DCX: variants seen among roughly 807,000 people sequenced by gnomAD.
DCX encodes neuronal migration protein doublecortin.
A neutral mutation model predicts 20.9 loss-of-function variants in DCX; 4 were observed. The ratio of observed to expected loss-of-function variants is 0.19; its 90% confidence interval spans 0.09 to 0.44. The LOEUF is 0.44. Ranked by LOEUF, DCX falls within the 20% of genes least tolerant of loss-of-function variation. The pLI is 0.99. For missense variants in DCX, 133 were observed against 296.9 expected, an observed-to-expected ratio of 0.45 and a Z score of 4.06; for synonymous variants, 103 against 111.4, an observed-to-expected ratio of 0.92 and a Z score of 0.47.
chrX:111,381,183 A>C (rs184202439), intron 3 of DCX, among the ~76,000 whole-genome samples: 1 of 110,310 alleles, frequency 9.1e-6, no homozygotes, highest in Non-Finnish European at 1.9e-5. Context: ...TCTATATTCC[A>C]AACTCTACTC....
chrX:111,412,027 A>G (rs1928755489), intron 1 of DCX, 111 bp downstream of exon 1: 1 of 112,383 alleles, frequency 8.9e-6, no homozygotes, highest in Non-Finnish European at 1.9e-5. Flanking sequence ...AGAATAAGGC[A>G]AAAAAGGAGA....
At chrX:111,383,270 T>C (rs1426728572) in intron 3 of DCX, among the ~76,000 whole-genome samples, 1 of 111,865 alleles carries the variant, frequency 8.9e-6, no homozygotes, top group Non-Finnish European at 1.9e-5. Flanking sequence ...CAGCTATAGA[T>C]TTATGTCCTT....
At chrX:111,326,060 C>T (rs148409024) in intron 5 of DCX, among the ~76,000 whole-genome samples, 66 of 111,532 alleles carry the variant, frequency 5.9e-4, no homozygotes, top group African/African-American at 2.0e-3. Flanking sequence ...CCTTGACCTC[C>T]CCTTCTAAAG....
intron 3 of DCX, among the ~76,000 whole-genome samples, chrX:111,379,606 A>G (rs1418222961): frequency 9.0e-6 from 1 of 111,718 alleles, no homozygotes; most frequent in Non-Finnish European, 1.9e-5. Context: ...TTCCTTATCC[A>G]TTCTTTCATC....
At chrX:111,348,669 A>C (rs191843023) in intron 3 of DCX, among the ~76,000 whole-genome samples, 35 of 110,140 alleles carry the variant, frequency 3.2e-4, no homozygotes, top group African/African-American at 1.1e-3. Context: ...ATCCCTTGGC[A>C]CCATTAAGCC....
intron 5 of DCX, among the ~76,000 whole-genome samples, chrX:111,317,313 T>G (rs1443992199): frequency 9.0e-6 from 1 of 111,030 alleles, no homozygotes; most frequent in African/African-American, 3.3e-5. Flanking sequence ...TTGACAAAAC[T>G]AAGCAATAGG....
chrX:111,308,341 C>A (rs899766587), intron 6 of DCX, among the ~76,000 whole-genome samples: 1 of 111,909 alleles, frequency 8.9e-6, no homozygotes, highest in South Asian at 3.7e-4. Flanking sequence ...TTTTGAGAAA[C>A]CTGGCTTCTA....
intron 3 of DCX, among the ~76,000 whole-genome samples, chrX:111,360,829 C>G (rs964492918): frequency 5.4e-5 from 6 of 111,972 alleles, no homozygotes; most frequent in Non-Finnish European, 1.1e-4. Context: ...AAGTAGATTA[C>G]AGGAAAATAG....
At chrX:111,379,188 C>T (rs1460632264) in intron 3 of DCX, among the ~76,000 whole-genome samples, 7 of 112,083 alleles carry the variant, frequency 6.2e-5, no homozygotes, top group African/African-American at 1.3e-4. Context: ...TCTTTAGAAA[C>T]GTATTTAAGT....
At chrX:111,401,465 T>C in intron 2 of DCX, 135 bp from the exon 3 acceptor site, 5 of 558,696 alleles carry the variant, frequency 8.9e-6, no homozygotes, top group Non-Finnish European at 1.4e-5. Flanking sequence ...TAGGTGCAAT[T>C]CCTAATTGGG....
Position 111,296,519 on chromosome X carries a change from G to A in DCX, c.*5168C>T, listed in dbSNP as rs765904302. ...TGTAATCCCAGCACTTTGGGAGGCC[G>A]AGGTGGGCAGATAATTTGAGGCCAA... On this transcript the variant is annotated 3_prime_UTR_variant, in exon 7 of 7. Coordinates refer to ENST00000636035, the MANE Select transcript of DCX (RefSeq NM_001195553.2). 3.6e-5 allele frequency: 4 copies of A among 111,346 alleles called. No homozygotes were observed. The highest frequency in any genetic ancestry group is 2.8e-4 in the East Asian group (1 of 3,548). 9.2% of individuals were successfully genotyped at this position (111,346 alleles called of 1,213,427 possible). A position where few individuals can be genotyped will look rare whatever the true frequency, so the allele number is the denominator to read the frequency against.
intron 6 of DCX, among the ~76,000 whole-genome samples, chrX:111,308,862 T>G (rs770948929): frequency 9.1e-6 from 1 of 109,765 alleles, no homozygotes; most frequent in Non-Finnish European, 1.9e-5. Flanking sequence ...CTTACGTTTC[T>G]AGATTTTTTT....
rs1241043087 is a variant in DCX, at chrX:111,294,897, A to AAAGGGTG, written c.*6783_*6789dup. 8.9e-6 allele frequency: 1 copy of AAAGGGTG among 112,449 alleles called. No homozygotes were observed. The highest frequency in any genetic ancestry group is 1.9e-5 in the Non-Finnish European group (1 of 53,258). 9.3% of individuals were successfully genotyped at this position (112,449 alleles called of 1,213,427 possible). On this transcript the variant is annotated 3_prime_UTR_variant, in exon 7 of 7. Transcript: ENST00000636035. ...AATTCTAACTACAGCTATAGGGCAG[A>AAAGGGTG]AAGGGTGGGCTGTTTCCATTTTAAA...
chrX:111,354,117 C>T lies in DCX; in HGVS notation c.706-20964G>A, dbSNP rs185217512. The stretch of plus-strand genomic sequence containing the variant: ...GAGTCAACTGCAAATTTTTGATGAG[C>T]TAATTCATGCTAGAATGTTCAGTTA... On this transcript the variant is annotated intron_variant, in intron 3 of 6. Transcript: ENST00000636035. Among the ~76,000 whole-genome samples, 407 of 111,638 alleles carry T rather than the reference C, an allele frequency of 3.6e-3. 3 individuals carry two copies. The highest frequency in any genetic ancestry group is 0.013 in the African/African-American group (384 of 30,691).
intron 2 of DCX, among the ~76,000 whole-genome samples, chrX:111,402,827 G>A (rs1391120345): frequency 9.8e-6 from 1 of 102,443 alleles, no homozygotes; most frequent in Non-Finnish European, 2.0e-5. Flanking sequence ...GTGTGCGGAG[G>A]GGGAGGGTAA....
chrX:111,350,083 C>A (rs1035130908), intron 3 of DCX, among the ~76,000 whole-genome samples: 2 of 111,791 alleles, frequency 1.8e-5, no homozygotes, highest in Admixed American at 9.5e-5. Flanking sequence ...TGCCCAGCAA[C>A]CTCTCAGGCA....
Position 111,299,079 on chromosome X carries a change from G to T in DCX, c.*2608C>A, listed in dbSNP as rs1410103360. 1 of 110,416 alleles carries T rather than the reference G, an allele frequency of 9.1e-6. No homozygotes were observed. Among genetic ancestry groups the T allele is most frequent in the African/African-American group, 3.3e-5 (1 of 30,190 alleles). The allele number at this position is 110,416 out of a possible 1,213,427, so 9.1% of individuals were successfully genotyped here. A position where few individuals can be genotyped will look rare whatever the true frequency, so the allele number is the denominator to read the frequency against. ...ACAATGGAACTTGAGTGCTAAAATT[G>T]GATTGGGTAAAATTGGAAGTGAATG... On this transcript the variant is annotated 3_prime_UTR_variant, in exon 7 of 7. Coordinates refer to ENST00000636035, the MANE Select transcript of DCX (RefSeq NM_001195553.2).
intron 5 of DCX, among the ~76,000 whole-genome samples, chrX:111,321,722 G>A (rs1434318853): frequency 9.0e-6 from 1 of 111,475 alleles, no homozygotes; most frequent in Non-Finnish European, 1.9e-5. Flanking sequence ...TGTCTGGGAG[G>A]CTGGACCAAT....
intron 3 of DCX, among the ~76,000 whole-genome samples, chrX:111,367,859 T>C (rs756307979): frequency 9.8e-5 from 11 of 111,797 alleles, no homozygotes; most frequent in Non-Finnish European, 1.5e-4. Context: ...AACCTCTTAG[T>C]TGGCATCATC....
Sources: allele counts gnomAD v4.1 joint callset (sites outside exome capture counted in the v4.1 genomes callset), GRCh38; gene constraint gnomAD v4.1.1; transcripts MANE v1.5; gene names NCBI Gene and HGNC (gene_info 2026-07-23, HGNC 2026-07-21).